The following SDK1 variants were observed in gnomAD, a reference collection of about 807,000 sequenced individuals.
The protein encoded by SDK1 is protein sidekick-1.
A neutral mutation model predicts 245.5 loss-of-function variants in SDK1; 157 were observed. The observed-to-expected ratio is 0.64, with a 90% confidence interval of 0.56 to 0.73. The LOEUF is 0.73. SDK1 is among the 30% of genes least tolerant of loss of function. The pLI is 0.00. For missense variants in SDK1, 3,583 were observed against 3,002.3 expected, an observed-to-expected ratio of 1.19 and a Z score of -4.52; for synonymous variants, 1,647 against 1,278.5, an observed-to-expected ratio of 1.29 and a Z score of -6.15.
At chr7:4,193,720 A>T (rs925917620) in intron 35 of SDK1, among the ~76,000 whole-genome samples, 8 of 152,146 alleles carry the variant, frequency 5.3e-5, no homozygotes, top group Non-Finnish European at 8.8e-5. Flanking sequence ...CTTCCTCTAC[A>T]GGAGTGAAGA....
chr7:3,743,632 G>T (rs926889345), intron 4 of SDK1, among the ~76,000 whole-genome samples: 3 of 152,180 alleles, frequency 2.0e-5, no homozygotes, highest in African/African-American at 7.2e-5. Context: ...AAACTAGTAA[G>T]TATTTAAGGA....
chr7:4,233,751 G>A (rs1306174676), intron 41 of SDK1, among the ~76,000 whole-genome samples: 3 of 152,206 alleles, frequency 2.0e-5, no homozygotes, highest in South Asian at 2.1e-4. Flanking sequence ...GCCAGTCTCC[G>A]GGTGCCTCCC....
chr7:3,572,544 A>G (rs77676906), intron 1 of SDK1, among the ~76,000 whole-genome samples: 1 of 152,076 alleles, frequency 6.6e-6, no homozygotes, highest in African/African-American at 2.4e-5. Context: ...AAGTGAGCCC[A>G]ACATAAGAGT....
At chr7:3,724,377 AGCCTGGGCAACATAGTGAGACCCT>A (rs1778946718) in intron 4 of SDK1, among the ~76,000 whole-genome samples, 1 of 152,026 alleles carries the variant, frequency 6.6e-6, no homozygotes, top group Non-Finnish European at 1.5e-5. Flanking sequence ...GTTTGAGACC[AGCCTGGGCAACATAGTGAGACCCT>A]GTCTGTACAA....
chr7:3,694,580 G>GA (rs1455963453), intron 4 of SDK1, among the ~76,000 whole-genome samples: 1 of 145,650 alleles, frequency 6.9e-6, no homozygotes, highest in Non-Finnish European at 1.5e-5. Flanking sequence ...ATGTTGGTGG[G>GA]GGGGGAAAAG....
intron 4 of SDK1, among the ~76,000 whole-genome samples, chr7:3,795,012 A>G (rs1028956020): frequency 1.3e-5 from 2 of 152,022 alleles, no homozygotes; most frequent in African/African-American, 4.8e-5. Context: ...GCACTCTGCT[A>G]GAAACTTTGC....
intron 4 of SDK1, 28 bp from the exon 5 acceptor site, chr7:3,821,422 G>C (rs1423769725): frequency 6.2e-7 from 1 of 1,601,682 alleles, no homozygotes; most frequent in Non-Finnish European, 8.5e-7. Flanking sequence ...GAGTAGCTTT[G>C]ACACTGTCCT....
intron 17 of SDK1, among the ~76,000 whole-genome samples, chr7:4,021,370 G>A (rs1409605075): frequency 8.5e-5 from 13 of 152,178 alleles, no homozygotes; most frequent in Non-Finnish European, 1.9e-4. Flanking sequence ...ACGTGGCGGG[G>A]ACACCTCAGA....
At chr7:3,761,415 G>A (rs1240192282) in intron 4 of SDK1, among the ~76,000 whole-genome samples, 7 of 151,688 alleles carry the variant, frequency 4.6e-5, no homozygotes, top group Middle Eastern at 3.4e-3. Context: ...TTAGCCAGGC[G>A]TGGTGGTGGG....
chr7:4,053,356 C>G (rs1778999002), intron 19 of SDK1, among the ~76,000 whole-genome samples: 1 of 136,990 alleles, frequency 7.3e-6, no homozygotes, highest in African/African-American at 3.4e-5. Flanking sequence ...CTTACGCTTG[C>G]CTCTCTCCCC....
chr7:3,783,589 G>T (rs552948928), intron 4 of SDK1, among the ~76,000 whole-genome samples: 1 of 151,944 alleles, frequency 6.6e-6, no homozygotes, highest in African/African-American at 2.4e-5. Context: ...CTATCTAAAA[G>T]GTTATCAAGG....
chr7:3,780,958 A>G (rs1780715558), intron 4 of SDK1, among the ~76,000 whole-genome samples: 1 of 152,022 alleles, frequency 6.6e-6, no homozygotes, highest in Non-Finnish European at 1.5e-5. Flanking sequence ...AAGCCCACCC[A>G]GTGACCCGAC....
intron 4 of SDK1, among the ~76,000 whole-genome samples, chr7:3,704,901 C>A (rs1401146370): frequency 2.0e-5 from 3 of 152,184 alleles, no homozygotes; most frequent in Non-Finnish European, 4.4e-5. Flanking sequence ...CATTCTTCTA[C>A]ATGTGGCTAG....
intron 5 of SDK1, among the ~76,000 whole-genome samples, chr7:3,907,358 A>G: frequency 6.6e-6 from 1 of 152,152 alleles, no homozygotes; most frequent in East Asian, 1.9e-4. Context: ...TATTCGAAAT[A>G]TTTCACATAT....
At chr7:3,882,232 G>A (rs1182526478) in intron 5 of SDK1, among the ~76,000 whole-genome samples, 1 of 152,098 alleles carries the variant, frequency 6.6e-6, no homozygotes, top group East Asian at 1.9e-4. Context: ...GGAATTCTGG[G>A]AGCTACAATT....
At chr7:4,092,338 G>T (rs1019890789) in intron 22 of SDK1, among the ~76,000 whole-genome samples, 1 of 152,136 alleles carries the variant, frequency 6.6e-6, no homozygotes. Flanking sequence ...CTCCCAGGAC[G>T]CCTGGTTCTC....
chr7:3,603,808 TG>T (rs1781328351), intron 1 of SDK1, among the ~76,000 whole-genome samples: 1 of 152,218 alleles, frequency 6.6e-6, no homozygotes, highest in South Asian at 2.1e-4. Flanking sequence ...AGTATGATAT[TG>T]GCTGTGGGTT....
chr7:3,545,502 A>G (rs905175745), intron 1 of SDK1, among the ~76,000 whole-genome samples: 4 of 152,208 alleles, frequency 2.6e-5, no homozygotes, highest in Non-Finnish European at 5.9e-5. Context: ...GACTTAATGC[A>G]AATATTTATC....
At position 3,512,615 on chromosome 7, in the gene SDK1, A is replaced by G. The variant is rs1378805919; in HGVS notation, c.299-106465A>G. On this transcript the variant is annotated intron_variant, in intron 1 of 44. Transcript: ENST00000404826. Reference sequence around the variant, plus strand: ...ATTCCCATTGCTCCGCATCCTCTTTACCATTTGGTGTTGTCTGGATTTTGG... The same window carrying G: ...ATTCCCATTGCTCCGCATCCTCTTTGCCATTTGGTGTTGTCTGGATTTTGG... Among the ~76,000 whole-genome samples the G allele has an allele frequency of 2.0e-5, 3 of 152,090 alleles. No individual in the cohort carries two copies. In the East Asian group the frequency reaches 5.8e-4, roughly 29 times the overall value.
Sources: gnomAD v4.1 joint callset for allele counts (sites outside exome capture counted in the v4.1 genomes callset) on GRCh38, gnomAD v4.1.1 for gene constraint, MANE v1.5 for transcripts, NCBI Gene and HGNC (gene_info 2026-07-23, HGNC 2026-07-21) for gene names.